Variants in ENTREP2 observed in about 807,000 individuals in gnomAD.
The protein encoded by ENTREP2 is protein ENTREP2.
the ENTREP2 span, among the ~76,000 whole-genome samples, chr15:29,648,956 A>ACAACAAC: frequency 3.3e-5 from 5 of 151,338 alleles, no homozygotes; most frequent in African/African-American, 1.2e-4. Flanking sequence ...AACAACAACA[A>ACAACAAC]AAAAAACTGT....
the ENTREP2 span, among the ~76,000 whole-genome samples, chr15:29,638,559 T>C: frequency 6.6e-6 from 1 of 152,214 alleles, no homozygotes; most frequent in Non-Finnish European, 1.5e-5. Flanking sequence ...TTAGTGAGAA[T>C]AGAAAGGATT....
chr15:29,571,655 A>G, the ENTREP2 span, among the ~76,000 whole-genome samples: 1 of 152,190 alleles, frequency 6.6e-6, no homozygotes, highest in African/African-American at 2.4e-5. Context: ...AATTGCACAA[A>G]ACGAATTTAA....
chr15:29,476,855 T>C, the ENTREP2 span, among the ~76,000 whole-genome samples: 5 of 152,260 alleles, frequency 3.3e-5, no homozygotes, highest in Middle Eastern at 3.4e-3. Context: ...GGAAAACCGA[T>C]TGCCAGCCAC....
chr15:29,123,325 G>A, the ENTREP2 span: 1 of 1,500,498 alleles, frequency 6.7e-7, no homozygotes, highest in Non-Finnish European at 8.9e-7. Context: ...TCCACGGTCA[G>A]AAATGTGGCT....
the ENTREP2 span, among the ~76,000 whole-genome samples, chr15:29,442,000 TTCTC>T: frequency 6.6e-6 from 1 of 152,138 alleles, no homozygotes; most frequent in Non-Finnish European, 1.5e-5. Flanking sequence ...ACCAACCCAG[TTCTC>T]TCTCCATCCC....
At chr15:29,219,255 T>C in the ENTREP2 span, among the ~76,000 whole-genome samples, 1 of 151,900 alleles carries the variant, frequency 6.6e-6, no homozygotes, top group African/African-American at 2.4e-5. Flanking sequence ...ATCAAAACCA[T>C]AATGCAATAC....
chr15:29,217,712 T>C, the ENTREP2 span, among the ~76,000 whole-genome samples: 4 of 151,110 alleles, frequency 2.6e-5, no homozygotes, highest in African/African-American at 9.9e-5. Context: ...CTCTGGTGCC[T>C]CCCTGATTTG....
chr15:29,475,996 T>G, the ENTREP2 span, among the ~76,000 whole-genome samples: 1 of 152,194 alleles, frequency 6.6e-6, no homozygotes, highest in African/African-American at 2.4e-5. Context: ...ATGATTGCAT[T>G]TGGGGAAAAT....
chr15:29,462,014 T>A, the ENTREP2 span, among the ~76,000 whole-genome samples: 1 of 152,180 alleles, frequency 6.6e-6, no homozygotes, highest in Non-Finnish European at 1.5e-5. Context: ...ATTCGTCCTT[T>A]TGTGACTGAC....
At chr15:29,358,762 AAGAC>A in the ENTREP2 span, among the ~76,000 whole-genome samples, 1 of 152,266 alleles carries the variant, frequency 6.6e-6, no homozygotes, top group African/African-American at 2.4e-5. Flanking sequence ...ACCAGAATAA[AAGAC>A]AGAAGTGCCG....
At chr15:29,147,515 A>G in the ENTREP2 span, among the ~76,000 whole-genome samples, 1 of 151,984 alleles carries the variant, frequency 6.6e-6, no homozygotes, top group South Asian at 2.1e-4. Context: ...AACCAAAATG[A>G]AATACCACTT....
chr15:29,248,836 T>A, the ENTREP2 span, among the ~76,000 whole-genome samples: 1 of 152,216 alleles, frequency 6.6e-6, no homozygotes, highest in Non-Finnish European at 1.5e-5. Flanking sequence ...TATGTCAATA[T>A]GCACCAAATA....
chr15:29,256,832 C>T, the ENTREP2 span, among the ~76,000 whole-genome samples: 1 of 152,044 alleles, frequency 6.6e-6, no homozygotes, highest in Non-Finnish European at 1.5e-5. Context: ...TATTAATAGG[C>T]AAGCATTTAT....
the ENTREP2 span, chr15:29,120,735 G>C: frequency 6.6e-6 from 1 of 152,320 alleles, no homozygotes; most frequent in African/African-American, 2.4e-5. Context: ...GCCCATTTCA[G>C]ATCCCAGATG....
the ENTREP2 span, among the ~76,000 whole-genome samples, chr15:29,146,701 G>A: frequency 6.6e-6 from 1 of 152,168 alleles, no homozygotes; most frequent in Non-Finnish European, 1.5e-5. Flanking sequence ...ACTTTGGGAG[G>A]CTAAGGCAGG....
chr15:29,257,827 T>C, the ENTREP2 span, among the ~76,000 whole-genome samples: 25 of 152,326 alleles, frequency 1.6e-4, 1 homozygote, highest in Admixed American at 3.9e-4. Context: ...TTAGGAACTA[T>C]TTCAAGTTCA....
At chr15:29,159,257 G>T in the ENTREP2 span, among the ~76,000 whole-genome samples, 2 of 151,930 alleles carry the variant, frequency 1.3e-5, no homozygotes, top group Non-Finnish European at 2.9e-5. Context: ...CAGCTCTTAA[G>T]GCGGCGTGTC....
chr15:29,408,532 C>G, the ENTREP2 span, among the ~76,000 whole-genome samples: 6 of 152,160 alleles, frequency 3.9e-5, no homozygotes, highest in Admixed American at 6.5e-5. Flanking sequence ...AGAAACTGAT[C>G]TGAATCTGCA....
At chr15:29,197,784 G>C in the ENTREP2 span, among the ~76,000 whole-genome samples, 1 of 151,098 alleles carries the variant, frequency 6.6e-6, no homozygotes, top group Non-Finnish European at 1.5e-5. Flanking sequence ...AAAAAAATCA[G>C]TAAAATCTAT....
Sources: allele counts gnomAD v4.1 joint callset (sites outside exome capture counted in the v4.1 genomes callset), GRCh38; gene constraint gnomAD v4.1.1; transcripts MANE v1.5; gene names NCBI Gene and HGNC (gene_info 2026-07-23, HGNC 2026-07-21).